Variants in LHFPL6 observed in about 807,000 individuals in gnomAD.
The protein encoded by LHFPL6 is LHFPL tetraspan subfamily member 6.
Under a neutral mutation model 20.6 loss-of-function variants are expected in LHFPL6, and 9 were observed. That is an observed-to-expected ratio of 0.44 (90% CI 0.26 to 0.76). LHFPL6 has a LOEUF of 0.76. LHFPL6 is among the 30% of genes least tolerant of loss of function. The probability of loss-of-function intolerance (pLI) is 0.20; values close to 1 mark genes in which losing one functional copy is unlikely to be tolerated. For missense variants in LHFPL6, 218 were observed against 253.5 expected (o/e 0.86, Z 0.95); for synonymous variants, 105 against 98.7 (o/e 1.06, Z -0.38).
At chr13:39,362,634 C>T (rs1219039860) in intron 3 of LHFPL6, among the ~76,000 whole-genome samples, 1 of 152,152 alleles carries the variant, frequency 6.6e-6, no homozygotes, top group Non-Finnish European at 1.5e-5. Context: ...TAATTTTCCT[C>T]ATGAAAATAC....
At chr13:39,485,911 C>G (rs73462865) in intron 2 of LHFPL6, among the ~76,000 whole-genome samples, 1 of 152,104 alleles carries the variant, frequency 6.6e-6, no homozygotes, top group Non-Finnish European at 1.5e-5. Context: ...TTACTAAGTT[C>G]TAGACTATCC....
chr13:39,564,440 ATCTTC>A, intron 2 of LHFPL6, among the ~76,000 whole-genome samples: 1 of 152,204 alleles, frequency 6.6e-6, no homozygotes, highest in South Asian at 2.1e-4. Flanking sequence ...AAATATGTGC[ATCTTC>A]ATATTTCTAA....
intron 2 of LHFPL6, among the ~76,000 whole-genome samples, chr13:39,401,113 T>C (rs1265101049): frequency 2.0e-5 from 3 of 152,180 alleles, no homozygotes; most frequent in Non-Finnish European, 2.9e-5. Flanking sequence ...ACTACAAATA[T>C]CCATAGTAGA....
At chr13:39,582,542 G>T (rs1001814940) in intron 2 of LHFPL6, among the ~76,000 whole-genome samples, 1 of 152,184 alleles carries the variant, frequency 6.6e-6, no homozygotes, top group Non-Finnish European at 1.5e-5. Flanking sequence ...CACAATGCAG[G>T]AATTTGATCA....
intron 2 of LHFPL6, among the ~76,000 whole-genome samples, chr13:39,588,742 T>C (rs1182348757): frequency 1.3e-5 from 2 of 152,242 alleles, no homozygotes; most frequent in African/African-American, 4.8e-5. Flanking sequence ...AGGTCACATC[T>C]TGTAGATAGA....
chr13:39,447,858 G>T (rs571860044), intron 2 of LHFPL6, among the ~76,000 whole-genome samples: 2 of 152,304 alleles, frequency 1.3e-5, no homozygotes, highest in African/African-American at 4.8e-5. Context: ...GAAACAGGAA[G>T]GATAAGGAGA....
intron 3 of LHFPL6, among the ~76,000 whole-genome samples, chr13:39,370,555 C>T (rs1259162678): frequency 6.6e-6 from 1 of 152,204 alleles, no homozygotes; most frequent in Non-Finnish European, 1.5e-5. Flanking sequence ...ATGGAATAAT[C>T]CATTTACTCT....
chr13:39,445,021 G>A (rs1872248859), intron 2 of LHFPL6, among the ~76,000 whole-genome samples: 1 of 152,210 alleles, frequency 6.6e-6, no homozygotes, highest in South Asian at 2.1e-4. Flanking sequence ...ATTACCTCAG[G>A]AGTGAGTTTG....
intron 2 of LHFPL6, among the ~76,000 whole-genome samples, chr13:39,598,019 G>A (rs1872819736): frequency 6.6e-6 from 1 of 152,196 alleles, no homozygotes; most frequent in Non-Finnish European, 1.5e-5. Context: ...CCTAACTTTA[G>A]CTAAACATAA....
intron 2 of LHFPL6, among the ~76,000 whole-genome samples, chr13:39,390,087 T>C (rs1870666668): frequency 6.6e-6 from 1 of 152,158 alleles, no homozygotes; most frequent in South Asian, 2.1e-4. Flanking sequence ...TTCCTCTTCT[T>C]ACATATTTCT....
At chr13:39,458,918 T>A (rs1315577600) in intron 2 of LHFPL6, among the ~76,000 whole-genome samples, 1 of 152,200 alleles carries the variant, frequency 6.6e-6, no homozygotes, top group Non-Finnish European at 1.5e-5. Context: ...TTCCAGATGT[T>A]TTCAACACAC....
intron 2 of LHFPL6, among the ~76,000 whole-genome samples, chr13:39,557,699 T>C (rs1871348793): frequency 6.6e-6 from 1 of 152,226 alleles, no homozygotes; most frequent in Non-Finnish European, 1.5e-5. Context: ...CATGTTGAGA[T>C]GTGATCCCCA....
chr13:39,399,286 C>A (rs1870924443), intron 2 of LHFPL6, among the ~76,000 whole-genome samples: 1 of 152,156 alleles, frequency 6.6e-6, no homozygotes, highest in Admixed American at 6.5e-5. Flanking sequence ...ACACCACAGT[C>A]TAAAGTGGTT....
At chr13:39,451,099 GC>G (rs1872433275) in intron 2 of LHFPL6, among the ~76,000 whole-genome samples, 1 of 152,124 alleles carries the variant, frequency 6.6e-6, no homozygotes, top group South Asian at 2.1e-4. Flanking sequence ...GCTTATGATT[GC>G]CCAGGAAATG....
rs1361948332 is a variant in LHFPL6 at position 39,437,896 on chromosome 13, C to T, written c.386-59370G>A. Among the ~76,000 whole-genome samples the T allele has an allele frequency of 7.8e-5, 7 of 90,080 alleles. 1 individual carries two copies. Among genetic ancestry groups the T allele is most frequent in the Middle Eastern group, 0.01 (2 of 198 alleles). The allele number at this position is 90,080 out of a possible 152,430, so 59.1% of individuals were successfully genotyped here. On this transcript the variant is annotated intron_variant, in intron 2 of 3. Coordinates refer to ENST00000379589, the MANE Select transcript of LHFPL6 (RefSeq NM_005780.3). ...CAGCCTGGGTGACAGAGCGAGACTC[C>T]GTCTCAAAAAAAAAAAAAAGGATTA... is the stretch of plus-strand genomic sequence containing the variant.
chr13:39,455,790 A>G (rs1872555900), intron 2 of LHFPL6, among the ~76,000 whole-genome samples: 1 of 152,234 alleles, frequency 6.6e-6, no homozygotes, highest in African/African-American at 2.4e-5. Context: ...AGAGAAAGGA[A>G]CTTGTTTTTT....
chr13:39,527,590 T>C (rs563570886), intron 2 of LHFPL6, among the ~76,000 whole-genome samples: 3 of 152,222 alleles, frequency 2.0e-5, no homozygotes, highest in African/African-American at 7.2e-5. Flanking sequence ...AACTTCCTGA[T>C]ATGGGAATCA....
chr13:39,407,497 T>G (rs1157710191), intron 2 of LHFPL6, among the ~76,000 whole-genome samples: 1 of 152,214 alleles, frequency 6.6e-6, no homozygotes, highest in Admixed American at 6.5e-5. Context: ...AAATGGGACA[T>G]GGGCCAAACA....
At chr13:39,425,383 C>T (rs759313687) in intron 2 of LHFPL6, among the ~76,000 whole-genome samples, 3 of 152,142 alleles carry the variant, frequency 2.0e-5, no homozygotes, top group South Asian at 4.1e-4. Context: ...CATTTGTATA[C>T]AAGTCTATGT....
Sources: gnomAD v4.1 joint callset for allele counts (sites outside exome capture counted in the v4.1 genomes callset) on GRCh38, gnomAD v4.1.1 for gene constraint, MANE v1.5 for transcripts, NCBI Gene and HGNC (gene_info 2026-07-23, HGNC 2026-07-21) for gene names.